Variants in STAG1 observed in about 807,000 individuals in gnomAD.
STAG1 encodes the protein STAG1 cohesin complex component, also known as cohesin subunit SA-1.
A neutral mutation model predicts 170.9 loss-of-function variants in STAG1; 26 were observed. That is an observed-to-expected ratio of 0.15 (90% CI 0.11 to 0.21). The LOEUF (loss-of-function observed/expected upper bound fraction) is 0.21. STAG1 is among the 10% of genes least tolerant of loss of function. The probability of loss-of-function intolerance (pLI) is 1.00; values close to 1 mark genes in which losing one functional copy is unlikely to be tolerated. For missense variants in STAG1, 964 were observed against 1,509.5 expected (o/e 0.64, Z 5.99); for synonymous variants, 514 against 497.7 (o/e 1.03, Z -0.44).
At chr3:136,401,533 T>C (rs2087325334) in intron 21 of STAG1, among the ~76,000 whole-genome samples, 2 of 152,192 alleles carry the variant, frequency 1.3e-5, no homozygotes, top group Non-Finnish European at 2.9e-5. Context: ...CAACACTTGA[T>C]ATCAGATTGC....
chr3:136,663,707 AATGT>A (rs1047784507), intron 1 of STAG1, among the ~76,000 whole-genome samples: 10 of 152,232 alleles, frequency 6.6e-5, no homozygotes, highest in African/African-American at 2.4e-4. Context: ...TGAGCATACA[AATGT>A]ACTCTTTGTT....
At position 136,413,402 on chromosome 3, in the gene STAG1, A is replaced by G. The variant is rs183368444; in HGVS notation, c.2196+4483T>C. 9.6e-4 allele frequency among the ~76,000 whole-genome samples: 146 copies of G among 151,434 alleles called. 1 individual carries two copies. Among genetic ancestry groups the G allele is most frequent in the African/African-American group, 3.5e-3 (143 of 41,332 alleles). On this transcript the variant is annotated intron_variant, in intron 21 of 33. Transcript: ENST00000383202. Reference sequence around the variant, plus strand: ...TGTCTATAATTTGATTGTTTTTTAAATTTATTTTAAAAAATTATTAGAATA... The same window carrying G: ...TGTCTATAATTTGATTGTTTTTTAAGTTTATTTTAAAAAATTATTAGAATA...
At chr3:136,658,299 C>CA (rs146555856) in intron 1 of STAG1, among the ~76,000 whole-genome samples, 4 of 150,690 alleles carry the variant, frequency 2.7e-5, no homozygotes, top group African/African-American at 7.3e-5. Flanking sequence ...GGTGTTTTGT[C>CA]AAAAAAAGTA....
At position 136,343,992 on chromosome 3, in the gene STAG1, T is replaced by C. The variant is rs1936112751; in HGVS notation, c.3286A>G (p.Asn1096Asp). The C allele has an allele frequency of 6.3e-7, 1 of 1,584,576 alleles. No homozygotes were observed. The highest frequency in any genetic ancestry group is 8.6e-7 in the Non-Finnish European group (1 of 1,169,066). ...GTGTCAGTCCTGTTTAGCCATGTGT[T>C]ATCCAGACTCTCATCTGTAAAATTC... ...KKRVEDESLD[N>D]TWLNRTDTMI... Residue 1096 changes from asparagine to aspartate, a missense_variant, in exon 30 of 34, where the codon AAC becomes GAC. This residue lies in a region of STAG1 where 122 missense variants were observed against 129.0 expected (regional missense o/e 0.95). Transcript: ENST00000383202.
rs1429158422 is a variant in STAG1 at position 136,465,425 on chromosome 3, T to C, written c.1206-437A>G. ...TAGTAGAAACGGGGTTTCGTCATGT[T>C]AGGCAGACTGTTCTCTAACTCCTGA... On this transcript the variant is annotated intron_variant, in intron 12 of 33. Coordinates refer to ENST00000383202, the MANE Select transcript of STAG1 (RefSeq NM_005862.3). Among the ~76,000 whole-genome samples the C allele has an allele frequency of 4.0e-5, 6 of 151,678 alleles. No individual in the cohort carries two copies. In the South Asian group the frequency reaches 1.3e-3, roughly 32 times the overall value.
Position 136,623,127 on chromosome 3 carries a change from A to C in STAG1, c.132+19T>G. ...ACGGTCACTATTAAAGGAACAAAGA[A>C]GACAAGCATAATACATACTGGAGGC... On this transcript the variant is annotated intron_variant, in intron 3 of 33. Transcript: ENST00000383202. The C allele has an allele frequency of 6.3e-7, 1 of 1,596,978 alleles. No individual in the cohort carries two copies. The highest frequency in any genetic ancestry group is 8.6e-7 in the Non-Finnish European group (1 of 1,168,718).
chr3:136,503,085 C>G (rs537872060), intron 7 of STAG1, among the ~76,000 whole-genome samples: 1 of 152,148 alleles, frequency 6.6e-6, no homozygotes, highest in Non-Finnish European at 1.5e-5. Context: ...TAAAAATACA[C>G]ACGTAAGGGC....
chr3:136,411,962 T>A (rs2087636142), intron 21 of STAG1, among the ~76,000 whole-genome samples: 1 of 152,082 alleles, frequency 6.6e-6, no homozygotes, highest in African/African-American at 2.4e-5. Context: ...TAATTGTGTA[T>A]TTTTAGTAGA....
intron 6 of STAG1, among the ~76,000 whole-genome samples, chr3:136,524,071 A>G (rs1056059808): frequency 7.9e-5 from 12 of 152,198 alleles, no homozygotes; most frequent in Middle Eastern, 3.4e-3. Flanking sequence ...TTGTCTTGGC[A>G]ATGCGGGCTC....
intron 22 of STAG1, 137 bp from the exon 23 acceptor site, chr3:136,377,889 C>T (rs1325609231): frequency 2.8e-5 from 19 of 673,424 alleles, no homozygotes; most frequent in Non-Finnish European, 4.9e-5. Flanking sequence ...TGTTGGGAAC[C>T]ATTTAATGTA....
intron 1 of STAG1, among the ~76,000 whole-genome samples, chr3:136,661,241 T>C (rs1034074412): frequency 2.0e-5 from 3 of 152,182 alleles, no homozygotes; most frequent in Non-Finnish European, 4.4e-5. Flanking sequence ...ATTCCACCTC[T>C]AGATGGTAGA....
At chr3:136,469,857 C>G (rs995520653) in intron 12 of STAG1, among the ~76,000 whole-genome samples, 10 of 152,166 alleles carry the variant, frequency 6.6e-5, no homozygotes, top group Non-Finnish European at 1.3e-4. Flanking sequence ...TGATCTTTGA[C>G]AAACCTGACA....
At chr3:136,659,392 T>G (rs1941499155) in intron 1 of STAG1, among the ~76,000 whole-genome samples, 1 of 152,190 alleles carries the variant, frequency 6.6e-6, no homozygotes, top group Non-Finnish European at 1.5e-5. Flanking sequence ...TTTCATTTGC[T>G]CAATTCTCTT....
In STAG1 at chr3:136,421,073, C is replaced by T; in HGVS notation, c.2108+20G>A. 6.5e-7 allele frequency: 1 copy of T among 1,549,790 alleles called. No homozygotes were observed. The highest frequency in any genetic ancestry group is 8.8e-7 in the Non-Finnish European group (1 of 1,131,766). On this transcript the variant is annotated intron_variant, in intron 20 of 33. Transcript: ENST00000383202. ...GGCATGAGCCACCTCGTTGCCTTTA[C>T]TTTAAATAAAATAACGTACTTGTGA...
chr3:136,642,578 C>T (rs1940844904), intron 1 of STAG1, among the ~76,000 whole-genome samples: 1 of 152,170 alleles, frequency 6.6e-6, no homozygotes, highest in Non-Finnish European at 1.5e-5. Flanking sequence ...CAATTTCAAG[C>T]AACCCTTGAT....
intron 1 of STAG1, among the ~76,000 whole-genome samples, chr3:136,699,069 G>C (rs2107905622): frequency 6.6e-6 from 1 of 152,296 alleles, no homozygotes. Flanking sequence ...GGGCAGTGGA[G>C]GAAGGTTTGG....
At chr3:136,745,452 T>C (rs538063166) in intron 1 of STAG1, among the ~76,000 whole-genome samples, 2 of 152,222 alleles carry the variant, frequency 1.3e-5, no homozygotes, top group South Asian at 4.2e-4. Context: ...TTTCCACGGA[T>C]GGGGTGGGGA....
intron 1 of STAG1, among the ~76,000 whole-genome samples, chr3:136,639,184 AG>A (rs1365532886): frequency 1.7e-5 from 2 of 118,120 alleles, no homozygotes; most frequent in Non-Finnish European, 3.5e-5. Context: ...AAAAGAAAAA[AG>A]AAAAGAAAAA....
rs1364010242 is a variant in STAG1 at position 136,591,288 on chromosome 3, A to G, written c.297+13021T>C. ...GGAGGAGGGGAGGAGGGAAGGCGGG[A>G]AGGTGGGAAGGCAGGAAGGCAGGAA... On this transcript the variant is annotated intron_variant, in intron 4 of 33. Coordinates refer to ENST00000383202, the MANE Select transcript of STAG1 (RefSeq NM_005862.3). 3.4e-5 allele frequency among the ~76,000 whole-genome samples: 5 copies of G among 147,156 alleles called. No individual in the cohort carries two copies. In the East Asian group the frequency reaches 9.9e-4, roughly 29 times the overall value.
Sources: gnomAD v4.1 joint callset for allele counts (sites outside exome capture counted in the v4.1 genomes callset) on GRCh38, gnomAD v4.1.1 for gene constraint, gnomAD v4.1.1 regional missense constraint, MANE v1.5 for transcripts, NCBI Gene and HGNC (gene_info 2026-07-23, HGNC 2026-07-21) for gene names.